The following FBXL17 variants were observed in gnomAD, a reference collection of about 807,000 sequenced individuals.
The protein encoded by FBXL17 is F-box/LRR-repeat protein 17.
In FBXL17, 22 loss-of-function variants were observed where a neutral mutation model predicts 66.2. That is an observed-to-expected ratio of 0.33 (90% CI 0.24 to 0.47). The LOEUF (loss-of-function observed/expected upper bound fraction) is 0.47. Ranked by LOEUF, FBXL17 falls within the 20% of genes least tolerant of loss-of-function variation. The pLI, the probability that FBXL17 is intolerant of heterozygous loss-of-function variation, is 1.00. For missense variants in FBXL17, 878 were observed against 948.2 expected (o/e 0.93, Z 0.97); for synonymous variants, 474 against 400.5 (o/e 1.18, Z -2.19).
chr5:108,042,978 C>T (rs1015920246), intron 6 of FBXL17, among the ~76,000 whole-genome samples: 5 of 152,100 alleles, frequency 3.3e-5, no homozygotes, highest in Admixed American at 1.3e-4. Context: ...TCCCTAATGG[C>T]TAAAGACAGT....
At chr5:107,863,464 T>C (rs1748186953) in intron 8 of FBXL17, among the ~76,000 whole-genome samples, 1 of 151,338 alleles carries the variant, frequency 6.6e-6, no homozygotes, top group Non-Finnish European at 1.5e-5. Context: ...AGTTCTTAGC[T>C]TCAATGTCAT....
chr5:108,315,376 C>A (rs779053147), intron 4 of FBXL17, among the ~76,000 whole-genome samples: 28 of 150,830 alleles, frequency 1.9e-4, no homozygotes, highest in Non-Finnish European at 3.4e-4. Flanking sequence ...TGCTTTTAAG[C>A]GACAAGATGA....
intron 5 of FBXL17, among the ~76,000 whole-genome samples, chr5:108,212,379 G>A (rs570046735): frequency 4.9e-4 from 74 of 152,246 alleles, no homozygotes; most frequent in South Asian, 2.9e-3. Context: ...TCTTGCTGGC[G>A]AGGAGTTGTG....
intron 2 of FBXL17, among the ~76,000 whole-genome samples, chr5:108,366,203 C>T (rs1352518322): frequency 6.6e-6 from 1 of 152,034 alleles, no homozygotes; most frequent in Non-Finnish European, 1.5e-5. Flanking sequence ...AAAAGTTTTT[C>T]TCAGACGACT....
At chr5:107,910,371 T>C (rs911659560) in intron 7 of FBXL17, among the ~76,000 whole-genome samples, 2 of 152,160 alleles carry the variant, frequency 1.3e-5, no homozygotes, top group African/African-American at 4.8e-5. Flanking sequence ...CTAATTGTTT[T>C]GGTCTTCAAA....
At chr5:108,071,876 C>A (rs1421290703) in intron 6 of FBXL17, among the ~76,000 whole-genome samples, 1 of 152,010 alleles carries the variant, frequency 6.6e-6, no homozygotes, top group East Asian at 1.9e-4. Flanking sequence ...CACAAAATTT[C>A]TTAAATCAAA....
chr5:108,143,322 A>G (rs1383938829), intron 6 of FBXL17, among the ~76,000 whole-genome samples: 1 of 151,154 alleles, frequency 6.6e-6, no homozygotes, highest in Admixed American at 6.6e-5. Flanking sequence ...GACAATTAAC[A>G]AGTTTTACCA....
At chr5:107,940,982 C>G (rs548076839) in intron 7 of FBXL17, among the ~76,000 whole-genome samples, 54 of 152,174 alleles carry the variant, frequency 3.5e-4, no homozygotes, top group African/African-American at 1.3e-3. Flanking sequence ...CTTCTAATAT[C>G]TAATTTATGG....
At chr5:108,003,577 C>T (rs1753817345) in intron 7 of FBXL17, among the ~76,000 whole-genome samples, 1 of 151,994 alleles carries the variant, frequency 6.6e-6, no homozygotes, top group Non-Finnish European at 1.5e-5. Context: ...AAAGTATATC[C>T]AAACTGTGAA....
intron 6 of FBXL17, among the ~76,000 whole-genome samples, chr5:108,137,350 T>C (rs1264928301): frequency 6.6e-6 from 1 of 152,108 alleles, no homozygotes; most frequent in Non-Finnish European, 1.5e-5. Flanking sequence ...AGCCACTGCT[T>C]TCTCTCATAC....
At chr5:108,342,540 C>G (rs1264112242) in intron 4 of FBXL17, among the ~76,000 whole-genome samples, 1 of 152,128 alleles carries the variant, frequency 6.6e-6, no homozygotes, top group Non-Finnish European at 1.5e-5. Context: ...GAGATAATGT[C>G]TTTTGGAAGT....
intron 5 of FBXL17, among the ~76,000 whole-genome samples, chr5:108,214,055 T>C (rs946004935): frequency 3.3e-5 from 5 of 152,188 alleles, no homozygotes; most frequent in African/African-American, 1.2e-4. Flanking sequence ...GAAGATACTT[T>C]GAAGGGGTGG....
intron 5 of FBXL17, among the ~76,000 whole-genome samples, chr5:108,218,526 C>G (rs759790356): frequency 1.3e-5 from 2 of 152,114 alleles, no homozygotes; most frequent in Non-Finnish European, 2.9e-5. Context: ...AATGGCTATA[C>G]TAATTTACAT....
intron 7 of FBXL17, among the ~76,000 whole-genome samples, chr5:108,018,346 G>T (rs1015654964): frequency 2.0e-5 from 3 of 152,136 alleles, no homozygotes; most frequent in African/African-American, 4.8e-5. Context: ...AATAGGGTAG[G>T]GGGGACACAG....
chr5:108,127,437 T>C (rs998129631), intron 6 of FBXL17, among the ~76,000 whole-genome samples: 10 of 152,248 alleles, frequency 6.6e-5, no homozygotes, highest in African/African-American at 2.2e-4. Context: ...TTACCATTAG[T>C]GCTCTTCTCT....
At position 108,224,186 on chromosome 5, in the gene FBXL17, C is replaced by T; in HGVS notation, c.1549G>A (p.Glu517Lys). 6.2e-7 allele frequency: 1 copy of T among 1,611,294 alleles called. No individual in the cohort carries two copies. The highest frequency in any genetic ancestry group is 8.5e-7 in the Non-Finnish European group (1 of 1,178,346). Reference protein sequence around the residue: ...SVKAFAEHCPELQYVGFMGCS... With the variant: ...SVKAFAEHCPKLQYVGFMGCS... ...CCCATGAAGCCTACATATTGAAGCT[C>T]AGGACAGTGTTCAGCAAATGCTTTC... The change falls in exon 5 of 9, where the codon GAG (glutamate) becomes AAG (lysine). Residue 517 changes from glutamate (E) to lysine (K), a missense_variant. Glu to Lys is a moderately conservative substitution (Grantham distance 56, BLOSUM62 1). Around this residue, in one of 4 missense-constraint regions of FBXL17, gnomAD observed 236 missense variants for 389.1 expected, o/e 0.61. Coordinates refer to ENST00000542267, the MANE Select transcript of FBXL17 (RefSeq NM_001163315.3).
intron 6 of FBXL17, among the ~76,000 whole-genome samples, chr5:108,143,751 G>C (rs1282121617): frequency 1.0e-5 from 1 of 96,788 alleles, no homozygotes; most frequent in Admixed American, 9.8e-5. Flanking sequence ...AAAAAAAAAA[G>C]GACCCAAGAC....
chr5:108,249,675 G>A (rs1756261287), intron 4 of FBXL17, among the ~76,000 whole-genome samples: 1 of 152,080 alleles, frequency 6.6e-6, no homozygotes, highest in Non-Finnish European at 1.5e-5. Context: ...TCTGGGTTTG[G>A]CCTCAGTTCA....
chr5:108,353,232 A>C (rs1747759043), intron 3 of FBXL17, among the ~76,000 whole-genome samples: 1 of 152,248 alleles, frequency 6.6e-6, no homozygotes, highest in Non-Finnish European at 1.5e-5. Flanking sequence ...ATGAAGACAC[A>C]GACCAAACCA....
Sources: allele counts gnomAD v4.1 joint callset (sites outside exome capture counted in the v4.1 genomes callset), GRCh38; gene constraint gnomAD v4.1.1; regional missense constraint gnomAD v4.1.1; transcripts MANE v1.5; gene names NCBI Gene and HGNC (gene_info 2026-07-23, HGNC 2026-07-21).